Variants in GDF1 observed in about 807,000 individuals in gnomAD.
GDF1 encodes the protein embryonic growth/differentiation factor 1.
Under a neutral mutation model 7.4 loss-of-function variants are expected in GDF1, and 8 were observed. That is an observed-to-expected ratio of 1.09 (90% CI 0.64 to 1.96). The LOEUF (loss-of-function observed/expected upper bound fraction) is 1.96. GDF1 is among the 30% of genes most tolerant of loss of function. GDF1 has a pLI of 0.00. For synonymous variants in GDF1, 311 were observed against 276.7 expected, an observed-to-expected ratio of 1.12 and a Z score of -1.23; for missense variants, 574 against 551.5, an observed-to-expected ratio of 1.04 and a Z score of -0.41.
intron 6 of GDF1, among the ~76,000 whole-genome samples, chr19:18,872,996 T>G (rs2056001965): frequency 2.0e-5 from 3 of 152,184 alleles, no homozygotes; most frequent in Admixed American, 6.6e-5. Flanking sequence ...TATCCACCAC[T>G]GTGGTGAAAA....
chr19:18,876,743 G>A (rs921048880), intron 6 of GDF1, among the ~76,000 whole-genome samples: 6 of 152,088 alleles, frequency 3.9e-5, no homozygotes, highest in Admixed American at 3.3e-4. Context: ...GGGAGTAGAG[G>A]GAGCTCCTGT....
Position 18,870,011 on chromosome 19 carries a change from T to C in GDF1, c.297A>G (p.Gly99=), listed in dbSNP as rs377462104. The C allele has an allele frequency of 3.5e-5, 56 of 1,597,018 alleles. No individual in the cohort carries two copies. The highest frequency in any genetic ancestry group is 4.7e-5 in the Non-Finnish European group (55 of 1,173,610). ...GGTCCGGGATGTGGCGCACGATGTT[T>C]CCGGCGACCCCCAGCTCCTCCACGT... The part of the protein sequence containing the change: ...PCHVEELGVA[G]NIVRHIPDRG... The change falls in exon 7 of 8, where the codon GGA becomes GGG. Residue 99 remains glycine, a synonymous_variant. Coordinates refer to ENST00000247005, the MANE Select transcript of GDF1 (RefSeq NM_001492.6). The surrounding 1 kb of genome is among the most constrained non-coding windows in gnomAD (Gnocchi z 5.1).
chr19:18,891,895 CTT>C (rs78480061), intron 2 of GDF1, among the ~76,000 whole-genome samples: 6 of 132,778 alleles, frequency 4.5e-5, no homozygotes, highest in African/African-American at 5.6e-5. Flanking sequence ...TCATTCTCAT[CTT>C]TTTTTTTTTT....
rs1295251261 is a variant in GDF1, at chr19:18,884,166, T to C, written c.-812A>G. ...ATGACCACCGAGTCCTTGCGCCAGG[T>C]GTCCATGTATAGCGTAGCGTAGATG... On this transcript the variant is annotated 5_prime_UTR_variant, in exon 3 of 8. Coordinates refer to ENST00000247005, the MANE Select transcript of GDF1 (RefSeq NM_001492.6). 6.2e-7 allele frequency: 1 copy of C among 1,613,326 alleles called. No homozygotes were observed. The highest frequency in any genetic ancestry group is 1.7e-5 in the Admixed American group (1 of 59,954).
chr19:18,892,608 C>T (rs1440893987), intron 2 of GDF1, among the ~76,000 whole-genome samples: 2 of 151,728 alleles, frequency 1.3e-5, no homozygotes, highest in Non-Finnish European at 2.9e-5. Context: ...AGCGAGACTC[C>T]ATCTCAAAAA....
intron 2 of GDF1, among the ~76,000 whole-genome samples, chr19:18,888,888 T>TC (rs1250368669): frequency 5.5e-5 from 8 of 146,130 alleles, no homozygotes; most frequent in Non-Finnish European, 1.1e-4. Context: ...TTTCTTTCTT[T>TC]CTTTTTTTTT....
chr19:18,881,767 C>CTCA (rs1555704873), intron 3 of GDF1: 4 of 151,226 alleles, frequency 2.6e-5, no homozygotes, highest in African/African-American at 9.7e-5. Flanking sequence ...TCCTTTCAGT[C>CTCA]TCTGCTCATC....
At chr19:18,869,908 C>CCCGGGCCACTCT in intron 7 of GDF1, 75 bp downstream of exon 7, 1 of 1,441,756 alleles carries the variant, frequency 6.9e-7, no homozygotes, top group Non-Finnish European at 9.5e-7. Flanking sequence ...CTCGGGCATC[C>CCCGGGCCACTCT]CCGGGCCACT....
At position 18,868,660 on chromosome 19, in the gene GDF1, G is replaced by A. The variant is rs1272027944; in HGVS notation, c.1056C>T (p.Asn352=). 1.3e-6 allele frequency: 2 copies of A among 1,575,412 alleles called. No homozygotes were observed. Among genetic ancestry groups the A allele is most frequent in the South Asian group, 2.3e-5 (2 of 86,048 alleles). Residue 352 remains asparagine (N), a synonymous_variant, in exon 8 of 8, where the codon AAC becomes AAT. Coordinates refer to ENST00000247005, the MANE Select transcript of GDF1 (RefSeq NM_001492.6). ...LSPISVLFFD[N]SDNVVLRQYE... The stretch of plus-strand genomic sequence containing the variant: ...ACTGCCGCAGCACCACGTTGTCGCT[G>A]TTGTCAAAGAAGAGCACGGAGATGG...
chr19:18,887,224 C>G (rs923223878), intron 2 of GDF1, among the ~76,000 whole-genome samples: 1 of 152,180 alleles, frequency 6.6e-6, no homozygotes, highest in African/African-American at 2.4e-5. Context: ...ACCCCAAAAA[C>G]ATGATGCTGA....
At chr19:18,893,634 TG>T in intron 1 of GDF1, 59 bp from the exon 2 acceptor site, 11 of 1,531,404 alleles carry the variant, frequency 7.2e-6, no homozygotes, top group Non-Finnish European at 9.7e-6. Context: ...ACTGCTCCTT[TG>T]GGGTGGGGAA....
In GDF1 at chr19:18,870,330, A is replaced by G; in HGVS notation, c.-23T>C. Reference sequence around the variant, plus strand: ...CATCTTCCTCCCAGGCGATGACCAGAGAGTGCGCAGGGTCCGCGGCGGCCC... The same window carrying G: ...CATCTTCCTCCCAGGCGATGACCAGGGAGTGCGCAGGGTCCGCGGCGGCCC... On this transcript the variant is annotated 5_prime_UTR_variant, in exon 7 of 8. Transcript: ENST00000247005. The surrounding 1 kb of genome is among the most constrained non-coding windows in gnomAD (Gnocchi z 5.1). 1.3e-6 allele frequency: 2 copies of G among 1,543,536 alleles called. No homozygotes were observed. Among genetic ancestry groups the G allele is most frequent in the South Asian group, 2.4e-5 (2 of 83,832 alleles).
At chr19:18,874,603 C>T (rs1243797337) in intron 6 of GDF1, among the ~76,000 whole-genome samples, 1 of 152,168 alleles carries the variant, frequency 6.6e-6, no homozygotes, top group Non-Finnish European at 1.5e-5. Flanking sequence ...TCCCGGCAGC[C>T]CCTGAGAGGG....
chr19:18,877,599 A>G lies in GDF1; in HGVS notation c.-313+1331T>C, dbSNP rs2056081978. Among the ~76,000 whole-genome samples, 3 of 151,986 alleles carry G rather than the reference A, an allele frequency of 2.0e-5. No homozygotes were observed. In the South Asian group the frequency reaches 6.2e-4, roughly 31 times the overall value. ...AAACCCCAGCTCTACAAAAAATACA[A>G]AAGTTAGCACAGCATGGTGGTGCAT... On this transcript the variant is annotated intron_variant, in intron 6 of 7. Transcript: ENST00000247005.
intron 6 of GDF1, among the ~76,000 whole-genome samples, chr19:18,875,234 T>TAAA (rs869211539): frequency 4.1e-5 from 5 of 122,266 alleles, no homozygotes; most frequent in African/African-American, 1.5e-4. Flanking sequence ...GGACCGTCTC[T>TAAA]AAAAAAAAAA....
Position 18,879,403 on chromosome 19 carries a change from G to A in GDF1, c.-570-15C>T, listed in dbSNP as rs1201571099. ...GGAACCAGAACCTGCGGTGGGAGGAGTCAGGAGGCCGTGGGTGGAGGGGGA... is the reference window on the plus strand; with the variant it reads ...GGAACCAGAACCTGCGGTGGGAGGAATCAGGAGGCCGTGGGTGGAGGGGGA... On this transcript the variant is annotated splice_polypyrimidine_tract_variant and intron_variant, in intron 4 of 7. Transcript: ENST00000247005. 1.9e-6 allele frequency: 3 copies of A among 1,554,804 alleles called. No homozygotes were observed. The highest frequency in any genetic ancestry group is 2.6e-6 in the Non-Finnish European group (3 of 1,149,224).
chr19:18,895,783 C>G lies in GDF1; in HGVS notation c.-1074+41G>C, dbSNP rs2056610362. ...CCAGGTCCCCGGTCCCGGCTTCCCC[C>G]AGTCCGGGGTCCCCTCGTCCCGGCC... On this transcript the variant is annotated intron_variant, in intron 1 of 7. Transcript: ENST00000247005. The surrounding 1 kb of genome is among the most constrained non-coding windows in gnomAD (Gnocchi z 6.4). 8.9e-7 allele frequency: 1 copy of G among 1,125,088 alleles called. No individual in the cohort carries two copies. Among genetic ancestry groups the G allele is most frequent in the African/African-American group, 1.7e-5 (1 of 59,198 alleles). The allele number at this position is 1,125,088 out of a possible 1,614,324, so 69.7% of individuals were successfully genotyped here. A position where few individuals can be genotyped will look rare whatever the true frequency, so the allele number is the denominator to read the frequency against.
chr19:18,880,881 T>C (rs1309144572), intron 3 of GDF1, among the ~76,000 whole-genome samples: 1 of 152,046 alleles, frequency 6.6e-6, no homozygotes, highest in Non-Finnish European at 1.5e-5. Context: ...TAATTTTTAG[T>C]AGAGACTGGG....
Position 18,884,142 on chromosome 19 carries a change from T to A in GDF1, c.-788A>T. On this transcript the variant is annotated 5_prime_UTR_variant, in exon 3 of 8. It removes an upstream start codon present in the reference 5' UTR. Transcript: ENST00000247005. Reference sequence around the variant, plus strand: ...AGAGTGACCACGTGGTGGAGCAGCATGACCACCGAGTCCTTGCGCCAGGTG... The same window carrying A: ...AGAGTGACCACGTGGTGGAGCAGCAAGACCACCGAGTCCTTGCGCCAGGTG... The A allele has an allele frequency of 6.2e-7, 1 of 1,613,626 alleles. No individual in the cohort carries two copies. Among genetic ancestry groups the A allele is most frequent in the South Asian group, 1.1e-5 (1 of 91,016 alleles).
Sources: allele counts gnomAD v4.1 joint callset (sites outside exome capture counted in the v4.1 genomes callset), GRCh38; gene constraint gnomAD v4.1.1; non-coding constraint Gnocchi (gnomAD v3.1); transcripts MANE v1.5; gene names NCBI Gene and HGNC (gene_info 2026-07-23, HGNC 2026-07-21).